SLC29A4: variants seen among roughly 807,000 people sequenced by gnomAD.
The protein encoded by SLC29A4 is solute carrier family 29 member 4, also known as equilibrative nucleoside transporter 4.
Under a neutral mutation model 43.9 loss-of-function variants are expected in SLC29A4, and 36 were observed. The observed-to-expected ratio is 0.82, with a 90% CI of 0.63 to 1.08. The LOEUF is 1.08. Ranked by LOEUF, SLC29A4 falls within the 50% of genes least tolerant of loss-of-function variation. The pLI is 0.00. For synonymous variants in SLC29A4, 491 were observed against 338.0 expected (o/e 1.45, Z -4.97); for missense variants, 869 against 755.3 (o/e 1.15, Z -1.77).
rs1370761934 is a variant in SLC29A4 at position 5,304,361 on chromosome 7, G to T, written c.*1422G>T. On this transcript the variant is annotated 3_prime_UTR_variant, in exon 11 of 11. Transcript: ENST00000396872. ...GGCCACATGCAGCCCATTTGAAGGG[G>T]AAACAAAGTGGGCGGGGCTTGGCCC... The T allele has an allele frequency of 6.6e-6, 1 of 151,836 alleles. No homozygotes were observed. The highest frequency in any genetic ancestry group is 1.5e-5 in the Non-Finnish European group (1 of 67,940). 9.4% of individuals were successfully genotyped at this position (151,836 alleles called of 1,614,324 possible). A position where few individuals can be genotyped will look rare whatever the true frequency, so the allele number is the denominator to read the frequency against.
intron 3 of SLC29A4, 60 bp downstream of exon 3, chr7:5,290,923 C>G: frequency 6.4e-7 from 1 of 1,564,168 alleles, no homozygotes; most frequent in Non-Finnish European, 8.7e-7. Context: ...CCTGGGGCCT[C>G]CCAGAAACCC....
intron 5 of SLC29A4, among the ~76,000 whole-genome samples, chr7:5,293,731 AC>A (rs1223544117): frequency 3.9e-5 from 6 of 152,074 alleles, no homozygotes; most frequent in Admixed American, 3.9e-4. Context: ...TGCAGCCTCA[AC>A]CTCATGGGCT....
chr7:5,284,932 A>T (rs7807255), intron 1 of SLC29A4, among the ~76,000 whole-genome samples: 2,953 of 152,240 alleles, frequency 0.019, 83 homozygotes, highest in African/African-American at 0.068. Flanking sequence ...ACGTCCAGGG[A>T]AGCATCTTGG....
chr7:5,294,955 C>G (rs761135792), intron 6 of SLC29A4, 21 bp downstream of exon 6: 95 of 1,591,642 alleles, frequency 6.0e-5, no homozygotes, highest in Admixed American at 1.9e-4. Flanking sequence ...GCAGACCCCC[C>G]GGGGAGGGGG....
chr7:5,302,710 G>A (rs1039498266), intron 10 of SLC29A4, 87 bp from the exon 11 acceptor site: 35 of 1,357,544 alleles, frequency 2.6e-5, no homozygotes, highest in South Asian at 1.4e-4. Context: ...CGGTTCAGGC[G>A]GGTGTCACCG....
intron 10 of SLC29A4, among the ~76,000 whole-genome samples, 156 bp from the exon 11 acceptor site, chr7:5,302,641 G>A (rs1203683691): frequency 6.6e-6 from 1 of 152,198 alleles, no homozygotes; most frequent in Non-Finnish European, 1.5e-5. Flanking sequence ...GGAAGGACAG[G>A]ATCCGGAGAG....
At chr7:5,301,196 G>A (rs1396819471) in intron 10 of SLC29A4, among the ~76,000 whole-genome samples, 1 of 151,804 alleles carries the variant, frequency 6.6e-6, no homozygotes, top group African/African-American at 2.4e-5. Context: ...CCCAGGAGTT[G>A]GAGGTTGCAG....
chr7:5,290,117 G>A (rs1187745211), intron 2 of SLC29A4, among the ~76,000 whole-genome samples: 12 of 149,070 alleles, frequency 8.0e-5, no homozygotes, highest in South Asian at 2.1e-4. Flanking sequence ...GCAGTGGCGC[G>A]ATCTCGGCTC....
intron 10 of SLC29A4, among the ~76,000 whole-genome samples, chr7:5,302,481 T>G (rs554360360): frequency 6.6e-6 from 1 of 152,262 alleles, no homozygotes; most frequent in South Asian, 2.1e-4. Context: ...AGGTCAAGGC[T>G]GCAGGAAGCT....
Position 5,287,983 on chromosome 7 carries a change from C to G in SLC29A4, c.167C>G (p.Thr56Ser), listed in dbSNP as rs753887035. The change falls in exon 2 of 11, where the codon ACT becomes AGT. Residue 56 changes from threonine to serine, a missense_variant and splice_region_variant. Coordinates refer to ENST00000396872, the MANE Select transcript of SLC29A4 (RefSeq NM_153247.4). ...AGGGGCGTCCCAGCTTTCACGGATA[C>G]TAGTAAGTAGGCGTGCGGGCAAGGT... is the stretch of plus-strand genomic sequence containing the variant. The part of the protein sequence containing the change: ...RARGVPAFTD[T>S]TLDEPVPDDR... 6 of 1,607,276 alleles carry G rather than the reference C, an allele frequency of 3.7e-6. No individual in the cohort carries two copies. The highest frequency in any genetic ancestry group is 2.7e-5 in the African/African-American group (2 of 74,764).
In SLC29A4 at chr7:5,299,301, C is replaced by G. The variant is rs537828236; in HGVS notation, c.1083C>G (p.Ala361=). The change falls in exon 9 of 11, where the codon GCC becomes GCG. Residue 361 remains alanine (A), a synonymous_variant. Coordinates refer to ENST00000396872, the MANE Select transcript of SLC29A4 (RefSeq NM_153247.4). ...RVIWADMLSI[A]VTYFITLCLF... ...TCTGGGCCGACATGCTCTCCATCGC[C>G]GTGACCTACTTCATCACGCTGTGCC... The G allele has an allele frequency of 7.4e-6, 12 of 1,612,060 alleles. No homozygotes were observed. The highest frequency in any genetic ancestry group is 1.0e-5 in the Non-Finnish European group (12 of 1,179,898).
chr7:5,298,250 G>A (rs1188792891), intron 7 of SLC29A4, among the ~76,000 whole-genome samples: 1 of 152,218 alleles, frequency 6.6e-6, no homozygotes, highest in Non-Finnish European at 1.5e-5. Flanking sequence ...ACAAGCCAGG[G>A]CAGGGGTGCG....
Position 5,295,717 on chromosome 7 carries a change from T to C in SLC29A4, c.619+783T>C, listed in dbSNP as rs1785602172. ...CTCGTTTCTCCCCTTGGGGGCGTTC[T>C]GCAACCCTCTGCCTGGTGCTGAGGT... On this transcript the variant is annotated intron_variant, in intron 6 of 10. Coordinates refer to ENST00000396872, the MANE Select transcript of SLC29A4 (RefSeq NM_153247.4). Among the ~76,000 whole-genome samples the C allele has an allele frequency of 2.4e-5, 3 of 123,916 alleles. No individual in the cohort carries two copies. The South Asian group carries it at 6.9e-4, about 29-fold the overall frequency. 81.3% of individuals were successfully genotyped at this position (123,916 alleles called of 152,430 possible).
chr7:5,296,849 G>T (rs1785709852), intron 6 of SLC29A4, 87 bp from the exon 7 acceptor site: 1 of 1,366,716 alleles, frequency 7.3e-7, no homozygotes, highest in East Asian at 2.6e-5. Flanking sequence ...GTGGGGAGGG[G>T]TCTGTGTGTG....
At chr7:5,286,415 C>T (rs960099250) in intron 1 of SLC29A4, among the ~76,000 whole-genome samples, 2 of 149,522 alleles carry the variant, frequency 1.3e-5, no homozygotes, top group Admixed American at 1.3e-4. Flanking sequence ...CCCAGCTACT[C>T]GGGAGGCTGA....
chr7:5,298,501 G>T (rs1348153349), intron 7 of SLC29A4, among the ~76,000 whole-genome samples: 1 of 152,122 alleles, frequency 6.6e-6, no homozygotes, highest in African/African-American at 2.4e-5. Flanking sequence ...CATCAGAAGT[G>T]TGAGAGAGAG....
intron 5 of SLC29A4, among the ~76,000 whole-genome samples, chr7:5,292,929 C>T (rs1785401295): frequency 6.6e-6 from 1 of 151,402 alleles, no homozygotes. Context: ...GAACTCCTGA[C>T]CTCAGGTGAT....
At chr7:5,298,082 C>A (rs1222083501) in intron 7 of SLC29A4, among the ~76,000 whole-genome samples, 1 of 152,136 alleles carries the variant, frequency 6.6e-6, no homozygotes, top group Non-Finnish European at 1.5e-5. Context: ...GGCGAGGGAG[C>A]CATTGGTCCT....
chr7:5,292,785 G>A (rs1174068781), intron 5 of SLC29A4, among the ~76,000 whole-genome samples: 2 of 123,264 alleles, frequency 1.6e-5, no homozygotes, highest in Non-Finnish European at 3.2e-5. Context: ...TGCAACCTCC[G>A]CCTCCCGGGT....
Sources: allele counts gnomAD v4.1 joint callset (sites outside exome capture counted in the v4.1 genomes callset), GRCh38; gene constraint gnomAD v4.1.1; transcripts MANE v1.5; gene names NCBI Gene and HGNC (gene_info 2026-07-23, HGNC 2026-07-21).